Variants in NAMPT observed in about 807,000 individuals in gnomAD.
NAMPT encodes the protein NAmPRTase.
NAMPT carries 7 observed loss-of-function variants against 58.7 expected under a neutral mutation model. The observed-to-expected ratio is 0.12, with a 90% CI of 0.07 to 0.22. The LOEUF (loss-of-function observed/expected upper bound fraction) is 0.22, where lower values mean the gene tolerates loss of function less well. NAMPT is among the 10% of genes least tolerant of loss of function. The pLI is 1.00. For synonymous variants in NAMPT, 145 were observed against 198.1 expected, an observed-to-expected ratio of 0.73 and a Z score of 2.25; for missense variants, 271 against 567.9, an observed-to-expected ratio of 0.48 and a Z score of 5.31.
chr7:106,265,655 CTTTG>C lies in NAMPT; in HGVS notation c.744-2042_744-2039del, dbSNP rs1321157932. On this transcript the variant is annotated intron_variant, in intron 6 of 10. Transcript: ENST00000222553. The stretch of plus-strand genomic sequence containing the variant: ...GTTTTTCTTCCAGGCTCTGGATCTA[CTTTG>C]TTAGATAGAAAGTTGAATATCTTCA... 1.0e-4 allele frequency among the ~76,000 whole-genome samples: 15 copies of C among 150,326 alleles called. 1 individual carries two copies. The South Asian group carries it at 3.0e-3, about 30-fold the overall frequency.
intron 7 of NAMPT, 46 bp from the exon 8 acceptor site, chr7:106,261,753 A>T: frequency 2.6e-6 from 4 of 1,564,876 alleles, no homozygotes; most frequent in Non-Finnish European, 3.5e-6. Context: ...AAAGCTGAAA[A>T]CAAGTATAAG....
intron 8 of NAMPT, among the ~76,000 whole-genome samples, chr7:106,258,229 C>T (rs1266949815): frequency 3.9e-5 from 6 of 152,254 alleles, no homozygotes; most frequent in Admixed American, 2.6e-4. Context: ...AGATCTATTC[C>T]GGACGCCTCA....
rs555411836 is a variant in NAMPT, at chr7:106,269,030, C to G, written c.606+124G>C. On this transcript the variant is annotated intron_variant, in intron 5 of 10. Transcript: ENST00000222553. The stretch of plus-strand genomic sequence containing the variant: ...ACAGTAGTAGGTACTGAATATGTAT[C>G]TGTTGGTTGAATCTTTGGAATTTTA... 1.4e-5 allele frequency: 12 copies of G among 845,572 alleles called. No individual in the cohort carries two copies. In the African/African-American group the frequency reaches 2.1e-4, roughly 15 times the overall value. The allele number at this position is 845,572 out of a possible 1,614,324, so 52.4% of individuals were successfully genotyped here. A position where few individuals can be genotyped will look rare whatever the true frequency, so the allele number is the denominator to read the frequency against.
At chr7:106,264,335 A>C (rs891408339) in intron 6 of NAMPT, among the ~76,000 whole-genome samples, 33 of 152,106 alleles carry the variant, frequency 2.2e-4, no homozygotes, top group African/African-American at 7.7e-4. Context: ...GAATGGTTAT[A>C]GTGATTTTTG....
intron 6 of NAMPT, among the ~76,000 whole-genome samples, chr7:106,266,589 C>A (rs1562815420): frequency 7.8e-6 from 1 of 127,632 alleles, no homozygotes; most frequent in Non-Finnish European, 1.8e-5. Context: ...TACTGAGTCC[C>A]AACTCAAATT....
intron 4 of NAMPT, among the ~76,000 whole-genome samples, chr7:106,270,801 A>C (rs150528741): frequency 7.2e-5 from 11 of 152,348 alleles, no homozygotes; most frequent in African/African-American, 2.6e-4. Flanking sequence ...CCCTCAGCTA[A>C]ATGCAGATGC....
chr7:106,262,359 AATC>A (rs899837067), intron 7 of NAMPT, among the ~76,000 whole-genome samples: 2 of 152,038 alleles, frequency 1.3e-5, no homozygotes, highest in African/African-American at 4.8e-5. Context: ...TTCCCACAAC[AATC>A]ATTTCTTTTT....
Position 106,249,749 on chromosome 7 carries a change from T to C in NAMPT, c.*1334A>G, listed in dbSNP as rs910407396. The C allele has an allele frequency of 6.6e-5, 10 of 152,020 alleles. No individual in the cohort carries two copies. The highest frequency in any genetic ancestry group is 1.3e-4 in the Admixed American group (2 of 15,232). 9.4% of individuals were successfully genotyped at this position (152,020 alleles called of 1,614,324 possible). The stretch of plus-strand genomic sequence containing the variant: ...TGCATTTATAAAAAGAAGTCCAAAT[T>C]TGGCCTTTGGGCTATAGTTGGCCAA... On this transcript the variant is annotated 3_prime_UTR_variant, in exon 11 of 11. Coordinates refer to ENST00000222553, the MANE Select transcript of NAMPT (RefSeq NM_005746.3).
chr7:106,269,443 C>T (rs565644913), intron 4 of NAMPT, 131 bp from the exon 5 acceptor site: 44 of 805,160 alleles, frequency 5.5e-5, no homozygotes, highest in Middle Eastern at 3.1e-4. Context: ...CACAGAACTG[C>T]GCAGCAGGAT....
At chr7:106,262,465 G>A (rs996097153) in intron 7 of NAMPT, among the ~76,000 whole-genome samples, 4 of 151,944 alleles carry the variant, frequency 2.6e-5, no homozygotes, top group Non-Finnish European at 4.4e-5. Flanking sequence ...TTTTTATTAC[G>A]TAACAGTAAA....
intron 6 of NAMPT, among the ~76,000 whole-genome samples, chr7:106,267,839 T>G (rs181026405): frequency 3.1e-5 from 1 of 32,648 alleles, no homozygotes; most frequent in South Asian, 1.3e-3. Context: ...AGACTCCGTC[T>G]CAAAAAAAAA....
At chr7:106,252,063 G>A (rs915301072) in intron 10 of NAMPT, among the ~76,000 whole-genome samples, 1 of 152,122 alleles carries the variant, frequency 6.6e-6, no homozygotes, top group East Asian at 1.9e-4. Context: ...GGGAATACTA[G>A]TTCCTACTCT....
chr7:106,284,871 G>A lies in NAMPT; in HGVS notation c.14C>T (p.Ala5Val), dbSNP rs1792840287. ...CAGGAGGATGTTGAACTCGGCTTCT[G>A]CCGCAGGATTCATCTCGGGCCGGAG... MNPAAEAEFNILLAT... is the reference protein window; with the variant it reads MNPAVEAEFNILLAT... Residue 5 changes from alanine (A) to valine (V), a missense_variant, in exon 1 of 11, where the codon GCA (alanine) becomes GTA (valine). Coordinates refer to ENST00000222553, the MANE Select transcript of NAMPT (RefSeq NM_005746.3). The A allele has an allele frequency of 1.3e-6, 2 of 1,583,568 alleles. No homozygotes were observed. Among genetic ancestry groups the A allele is most frequent in the African/African-American group, 1.3e-5 (1 of 74,354 alleles).
chr7:106,254,316 GATACAT>G, intron 9 of NAMPT, 42 bp downstream of exon 9: 1 of 1,596,862 alleles, frequency 6.3e-7, no homozygotes, highest in Admixed American at 1.7e-5. Context: ...ATTCTACCTA[GATACAT>G]AAGGAAGGTA....
At chr7:106,253,213 C>T in intron 9 of NAMPT, 62 bp from the exon 10 acceptor site, 3 of 1,551,240 alleles carry the variant, frequency 1.9e-6, no homozygotes, top group Non-Finnish European at 8.8e-7. Context: ...TGTCTAAACA[C>T]TCCCTTACAA....
At chr7:106,279,054 A>G (rs564355246) in intron 1 of NAMPT, among the ~76,000 whole-genome samples, 1 of 152,252 alleles carries the variant, frequency 6.6e-6, no homozygotes, top group Admixed American at 6.5e-5. Flanking sequence ...ATCTTGGTCT[A>G]AAAGTATACT....
rs1219066372 is a variant in NAMPT, at chr7:106,275,063, C to T, written c.215-14G>A. 2 of 1,488,288 alleles carry T rather than the reference C, an allele frequency of 1.3e-6. No individual in the cohort carries two copies. The highest frequency in any genetic ancestry group is 2.8e-5 in the African/African-American group (2 of 72,144). The allele number at this position is 1,488,288 out of a possible 1,614,324, so 92.2% of individuals were successfully genotyped here. A position where few individuals can be genotyped will look rare whatever the true frequency, so the allele number is the denominator to read the frequency against. ...TTACTACTTTACCTAGAAGAATATA[C>T]ATGTCCTGTTTACATTTCTAAAGGT... On this transcript the variant is annotated splice_polypyrimidine_tract_variant and intron_variant, in intron 2 of 10. Transcript: ENST00000222553.
intron 1 of NAMPT, among the ~76,000 whole-genome samples, chr7:106,280,811 C>T (rs1466940292): frequency 6.6e-6 from 1 of 151,678 alleles, no homozygotes; most frequent in Non-Finnish European, 1.5e-5. Flanking sequence ...CGTGGTGGCA[C>T]GCGCCTGTAG....
chr7:106,277,195 C>G lies in NAMPT; in HGVS notation c.58-16G>C. The G allele has an allele frequency of 6.3e-7, 1 of 1,598,970 alleles. No homozygotes were observed. On this transcript the variant is annotated splice_polypyrimidine_tract_variant and intron_variant, in intron 1 of 10. Coordinates refer to ENST00000222553, the MANE Select transcript of NAMPT (RefSeq NM_005746.3). ...AGTGAGTAACCTATGTAAAGAAATA[C>G]ACTTCTGTTAGAAAACACCGATGAG...
Sources: gnomAD v4.1 joint callset for allele counts (sites outside exome capture counted in the v4.1 genomes callset) on GRCh38, gnomAD v4.1.1 for gene constraint, MANE v1.5 for transcripts, NCBI Gene and HGNC (gene_info 2026-07-23, HGNC 2026-07-21) for gene names.